The following HTR1E variants were observed in gnomAD, a reference collection of about 807,000 sequenced individuals.
The protein encoded by HTR1E is 5-HT-1E.
HTR1E carries 3 observed loss-of-function variants against 3.4 expected under a neutral mutation model. That is an observed-to-expected ratio of 0.89 (90% CI 0.41 to 2.31). HTR1E has a LOEUF of 2.31. HTR1E is among the 30% of genes most tolerant of loss of function. HTR1E has a pLI of 0.05. For missense variants in HTR1E, 392 were observed against 467.0 expected (o/e 0.84, Z 1.48); for synonymous variants, 170 against 182.8 (o/e 0.93, Z 0.56).
At chr6:86,963,383 T>A (rs1018402610) in intron 1 of HTR1E, among the ~76,000 whole-genome samples, 1 of 152,170 alleles carries the variant, frequency 6.6e-6, no homozygotes, top group Admixed American at 6.5e-5. Flanking sequence ...GTTAAAAAAA[T>A]TTAAATACTT....
chr6:87,013,531 G>A (rs1039930077), intron 1 of HTR1E, among the ~76,000 whole-genome samples: 2 of 152,204 alleles, frequency 1.3e-5, no homozygotes, highest in Non-Finnish European at 1.5e-5. Flanking sequence ...TTACAGGTGT[G>A]AGCCACCACG....
intron 1 of HTR1E, among the ~76,000 whole-genome samples, chr6:86,953,551 A>T (rs1193189571): frequency 1.3e-5 from 2 of 152,190 alleles, no homozygotes; most frequent in Non-Finnish European, 2.9e-5. Flanking sequence ...GGGATGCTAC[A>T]CTAGGCATCT....
intron 1 of HTR1E, among the ~76,000 whole-genome samples, chr6:87,003,232 T>C (rs1768050272): frequency 6.6e-6 from 1 of 152,122 alleles, no homozygotes; most frequent in Admixed American, 6.5e-5. Flanking sequence ...AGTGGGCCAA[T>C]GAAGGGCCTA....
intron 1 of HTR1E, among the ~76,000 whole-genome samples, chr6:86,958,937 C>CGTGTGTGTGTGTGTGT (rs55871033): frequency 2.1e-5 from 3 of 139,976 alleles, no homozygotes; most frequent in Non-Finnish European, 4.7e-5. Flanking sequence ...ACCAATTGCA[C>CGTGTGTGTGTGTGTGT]GTGTGTGTGT....
At position 87,016,612 on chromosome 6, in the gene HTR1E, G is replaced by A. The variant is rs546457254; in HGVS notation, c.*180G>A. 12 of 524,502 alleles carry A rather than the reference G, an allele frequency of 2.3e-5. No homozygotes were observed. Among genetic ancestry groups the A allele is most frequent in the East Asian group, 1.2e-4 (4 of 32,896 alleles). 32.5% of individuals were successfully genotyped at this position (524,502 alleles called of 1,614,324 possible). A position where few individuals can be genotyped will look rare whatever the true frequency, so the allele number is the denominator to read the frequency against. On this transcript the variant is annotated 3_prime_UTR_variant, in exon 2 of 2. Coordinates refer to ENST00000305344, the MANE Select transcript of HTR1E (RefSeq NM_000865.3). ...TTTTGTTTGAGGATTGTTATTTGGC[G>A]TGCTGTTTTCTACCTCTGGTCTTAT... is the stretch of plus-strand genomic sequence containing the variant.
chr6:86,971,194 G>GC, intron 1 of HTR1E: 1 of 409,084 alleles, frequency 2.4e-6, no homozygotes, highest in Admixed American at 3.0e-5. Flanking sequence ...ATGAACTAAG[G>GC]TGTCTACCAT....
chr6:86,965,953 AG>A (rs759233405), intron 1 of HTR1E, among the ~76,000 whole-genome samples: 12 of 152,170 alleles, frequency 7.9e-5, no homozygotes, highest in Non-Finnish European at 1.5e-4. Flanking sequence ...TCACTACTAA[AG>A]AACTTATTCA....
chr6:86,980,401 G>GAAAAAAAA (rs1767695886), intron 1 of HTR1E, among the ~76,000 whole-genome samples: 1 of 145,482 alleles, frequency 6.9e-6, no homozygotes, highest in African/African-American at 2.6e-5. Flanking sequence ...AAAAAAAAAA[G>GAAAAAAAA]AAAAAAAGAG....
At chr6:86,960,629 TC>T (rs900657847) in intron 1 of HTR1E, among the ~76,000 whole-genome samples, 1 of 152,096 alleles carries the variant, frequency 6.6e-6, no homozygotes, top group East Asian at 1.9e-4. Context: ...AGCAAACACT[TC>T]AGGAAAGTGA....
intron 1 of HTR1E, among the ~76,000 whole-genome samples, chr6:86,972,035 C>G (rs1473684293): frequency 1.3e-5 from 2 of 152,064 alleles, no homozygotes. Flanking sequence ...AATGTTTGTT[C>G]TATTGCATTA....
At chr6:86,978,346 C>T (rs1358831915) in intron 1 of HTR1E, among the ~76,000 whole-genome samples, 2 of 152,198 alleles carry the variant, frequency 1.3e-5, no homozygotes, top group African/African-American at 4.8e-5. Context: ...GGAGAAATTA[C>T]ATGGCCTGCA....
intron 1 of HTR1E, among the ~76,000 whole-genome samples, chr6:86,962,160 T>TGG (rs544957425): frequency 6.5e-4 from 99 of 152,280 alleles, no homozygotes; most frequent in African/African-American, 2.3e-3. Context: ...GAGAATTTTT[T>TGG]GGTTAGGTAC....
chr6:86,992,686 G>C (rs1158038757), intron 1 of HTR1E, among the ~76,000 whole-genome samples: 1 of 152,150 alleles, frequency 6.6e-6, no homozygotes, highest in East Asian at 1.9e-4. Flanking sequence ...TCTCTTAGGT[G>C]TCAGGAAATG....
intron 1 of HTR1E, among the ~76,000 whole-genome samples, chr6:86,975,113 A>G (rs543870354): frequency 3.9e-5 from 6 of 152,294 alleles, no homozygotes; most frequent in Admixed American, 1.3e-4. Flanking sequence ...ACTTAAAATC[A>G]TGGGAATGTA....
At chr6:86,971,061 T>C (rs769844040) in intron 1 of HTR1E, 38 of 510,194 alleles carry the variant, frequency 7.4e-5, no homozygotes, top group Middle Eastern at 4.2e-4. Flanking sequence ...AAGAAGCAAA[T>C]AACTTCCTGT....
rs191972136 is a variant in HTR1E, at chr6:87,006,726, G to A, written c.-185-8424G>A. On this transcript the variant is annotated intron_variant, in intron 1 of 1. Coordinates refer to ENST00000305344, the MANE Select transcript of HTR1E (RefSeq NM_000865.3). ...AAGAAAACGTGGTACATATAACCAT[G>A]GAATACTATGCAGCCATAAAAAAGG... Among the ~76,000 whole-genome samples, 124 of 152,284 alleles carry A rather than the reference G, an allele frequency of 8.1e-4. 1 individual carries two copies. The East Asian group carries it at 0.023, about 28-fold the overall frequency.
chr6:87,000,918 AAAT>A (rs1768013491), intron 1 of HTR1E, among the ~76,000 whole-genome samples: 2 of 152,256 alleles, frequency 1.3e-5, no homozygotes, highest in African/African-American at 2.4e-5. Flanking sequence ...AATCTATCAG[AAAT>A]AATAACTACA....
Position 86,982,150 on chromosome 6 carries a change from T to C in HTR1E, c.-185-33000T>C, listed in dbSNP as rs544829934. Among the ~76,000 whole-genome samples the C allele has an allele frequency of 2.2e-4, 34 of 152,336 alleles. No homozygotes were observed. The South Asian group carries it at 6.8e-3, about 31-fold the overall frequency. ...GTGACCTGTCTTTACGCACTAGAAC[T>C]TCTATCTCTTGTCTTTCTTCTAAAT... is the stretch of plus-strand genomic sequence containing the variant. On this transcript the variant is annotated intron_variant, in intron 1 of 1. Coordinates refer to ENST00000305344, the MANE Select transcript of HTR1E (RefSeq NM_000865.3).
intron 1 of HTR1E, among the ~76,000 whole-genome samples, chr6:86,995,665 C>CAA (rs60134206): frequency 0.012 from 452 of 36,506 alleles, 2 homozygotes; most frequent in Middle Eastern, 0.028. Context: ...GACTCCATCT[C>CAA]AAAAAAAAAA....
Sources: allele counts gnomAD v4.1 joint callset (sites outside exome capture counted in the v4.1 genomes callset), GRCh38; gene constraint gnomAD v4.1.1; transcripts MANE v1.5; gene names NCBI Gene and HGNC (gene_info 2026-07-23, HGNC 2026-07-21).